CDH13: variants seen among roughly 807,000 people sequenced by gnomAD.
CDH13 encodes the protein cadherin 13.
In CDH13, 24 loss-of-function variants were observed where a neutral mutation model predicts 63.8. That is an observed-to-expected ratio of 0.38 (90% CI 0.27 to 0.53). CDH13 has a LOEUF of 0.53. Among genes scored for constraint, CDH13 ranks in the 20% least tolerant of loss-of-function variants. The pLI, the probability that CDH13 is intolerant of heterozygous loss-of-function variation, is 0.85. For synonymous variants in CDH13, 503 were observed against 355.3 expected, an observed-to-expected ratio of 1.42 and a Z score of -4.67; for missense variants, 1,049 against 903.1, an observed-to-expected ratio of 1.16 and a Z score of -2.07.
intron 1 of CDH13, among the ~76,000 whole-genome samples, chr16:82,699,685 C>G (rs189791087): frequency 1.3e-5 from 2 of 152,350 alleles, no homozygotes; most frequent in Non-Finnish European, 1.5e-5. Flanking sequence ...CATCCTTACA[C>G]TTAATCCACA....
chr16:82,844,910 C>A (rs911890709), intron 1 of CDH13, among the ~76,000 whole-genome samples: 18 of 152,020 alleles, frequency 1.2e-4, no homozygotes, highest in Admixed American at 1.1e-3. Context: ...CTGCCTCAGT[C>A]CCCCAAAGTG....
intron 7 of CDH13, among the ~76,000 whole-genome samples, chr16:83,540,309 AAACTGC>A (rs1400581133): frequency 6.6e-6 from 1 of 152,188 alleles, no homozygotes; most frequent in African/African-American, 2.4e-5. Flanking sequence ...GCAGACCGAC[AAACTGC>A]GTCTGCTGCC....
chr16:83,652,531 G>A (rs1211791713), intron 8 of CDH13, among the ~76,000 whole-genome samples: 3 of 152,224 alleles, frequency 2.0e-5, no homozygotes, highest in African/African-American at 4.8e-5. Context: ...GGGTCCTCGT[G>A]GTTTAGCCAA....
rs1056824016 is a variant in CDH13, at chr16:82,932,962, G to C, written c.157+74489G>C. On this transcript the variant is annotated intron_variant, in intron 2 of 13. Transcript: ENST00000567109. ...TAGTAGAGGCATAAATGAAAGCAAG[G>C]GTTAGCATTTTAATTTAATTTTAAT... Among the ~76,000 whole-genome samples the C allele has an allele frequency of 7.9e-5, 12 of 152,030 alleles. 1 individual carries two copies. Among genetic ancestry groups the C allele is most frequent in the Admixed American group, 3.3e-4 (5 of 15,268 alleles).
chr16:83,398,564 C>A (rs1313939327), intron 6 of CDH13, among the ~76,000 whole-genome samples: 1 of 152,178 alleles, frequency 6.6e-6, no homozygotes, highest in Non-Finnish European at 1.5e-5. Flanking sequence ...AAGATTCATG[C>A]ACAGGTTCCA....
chr16:82,934,710 G>T (rs766794092), intron 2 of CDH13, among the ~76,000 whole-genome samples: 4 of 152,130 alleles, frequency 2.6e-5, no homozygotes, highest in Non-Finnish European at 5.9e-5. Flanking sequence ...TCAGGTTTAA[G>T]TTCCACAGAT....
At chr16:83,412,224 G>T (rs185913657) in intron 6 of CDH13, among the ~76,000 whole-genome samples, 1 of 152,318 alleles carries the variant, frequency 6.6e-6, no homozygotes, top group African/African-American at 2.4e-5. Flanking sequence ...CACTTTGGGA[G>T]GCCAAGGCTG....
At chr16:83,187,764 C>G (rs965131027) in intron 4 of CDH13, among the ~76,000 whole-genome samples, 2 of 152,104 alleles carry the variant, frequency 1.3e-5, no homozygotes, top group African/African-American at 4.8e-5. Context: ...AGTAAGGGAA[C>G]CTGACAAATC....
intron 8 of CDH13, among the ~76,000 whole-genome samples, chr16:83,606,644 T>C (rs1359911371): frequency 6.6e-6 from 1 of 151,506 alleles, no homozygotes; most frequent in African/African-American, 2.4e-5. Flanking sequence ...GGAGGATCAT[T>C]TGAGCCTGGA....
chr16:83,524,487 C>T (rs890563401), intron 7 of CDH13, among the ~76,000 whole-genome samples: 3 of 107,460 alleles, frequency 2.8e-5, no homozygotes, highest in African/African-American at 1.1e-4. Context: ...AAGTCTTACA[C>T]TGTTGCCCAG....
At chr16:82,961,513 C>T (rs1334934803) in intron 2 of CDH13, among the ~76,000 whole-genome samples, 1 of 150,406 alleles carries the variant, frequency 6.6e-6, no homozygotes, top group Non-Finnish European at 1.5e-5. Flanking sequence ...TATTATGAAG[C>T]CCCTACTGTC....
chr16:83,053,752 G>A (rs1320027921), intron 3 of CDH13, among the ~76,000 whole-genome samples: 1 of 152,106 alleles, frequency 6.6e-6, no homozygotes, highest in Non-Finnish European at 1.5e-5. Flanking sequence ...CATATTTATA[G>A]AACTATACAG....
At chr16:83,276,422 C>G (rs952208884) in intron 5 of CDH13, among the ~76,000 whole-genome samples, 2 of 152,170 alleles carry the variant, frequency 1.3e-5, no homozygotes, top group African/African-American at 2.4e-5. Flanking sequence ...GATTGCCTCT[C>G]AAACACCTTT....
chr16:83,146,470 C>A (rs918194918), intron 4 of CDH13, among the ~76,000 whole-genome samples: 1 of 151,732 alleles, frequency 6.6e-6, no homozygotes, highest in Non-Finnish European at 1.5e-5. Context: ...TGGTTACAAG[C>A]TGCCTGCAGC....
chr16:83,601,274 T>A (rs1334164182), intron 7 of CDH13, among the ~76,000 whole-genome samples: 2 of 152,098 alleles, frequency 1.3e-5, no homozygotes, highest in Non-Finnish European at 2.9e-5. Flanking sequence ...AGAAACCTAC[T>A]ACCAAAGATA....
chr16:83,334,105 C>G (rs922986530), intron 5 of CDH13, among the ~76,000 whole-genome samples: 19 of 152,084 alleles, frequency 1.2e-4, no homozygotes, highest in African/African-American at 4.6e-4. Context: ...GTACCTTTCT[C>G]CATCCTCAAA....
intron 8 of CDH13, among the ~76,000 whole-genome samples, chr16:83,624,591 C>A (rs529464597): frequency 6.6e-6 from 1 of 152,206 alleles, no homozygotes; most frequent in African/African-American, 2.4e-5. Flanking sequence ...TGACAGGAGG[C>A]GGTGCTCAGG....
intron 2 of CDH13, among the ~76,000 whole-genome samples, chr16:83,010,607 T>A (rs113956669): frequency 6.6e-6 from 1 of 152,228 alleles, no homozygotes; most frequent in African/African-American, 2.4e-5. Context: ...TTGCACTTTG[T>A]AGTTGTCCAG....
chr16:83,275,174 A>T (rs2088947808), intron 5 of CDH13, among the ~76,000 whole-genome samples: 2 of 152,236 alleles, frequency 1.3e-5, no homozygotes, highest in African/African-American at 2.4e-5. Context: ...AGTTTGCCCC[A>T]TAGAGCATTT....
Sources: gnomAD v4.1 joint callset for allele counts (sites outside exome capture counted in the v4.1 genomes callset) on GRCh38, gnomAD v4.1.1 for gene constraint, MANE v1.5 for transcripts, NCBI Gene and HGNC (gene_info 2026-07-23, HGNC 2026-07-21) for gene names.